PIGB: variants seen among roughly 807,000 people sequenced by gnomAD.
The protein encoded by PIGB is GPI alpha-1,2-mannosyltransferase 3.
In PIGB, 58 loss-of-function variants were observed where a neutral mutation model predicts 68.4. The observed-to-expected ratio is 0.85, with a 90% CI of 0.69 to 1.06. PIGB has a LOEUF of 1.06. PIGB is among the 50% of genes least tolerant of loss of function. The probability of loss-of-function intolerance (pLI) is 0.00; values close to 1 mark genes in which losing one functional copy is unlikely to be tolerated. For missense variants in PIGB, 634 were observed against 655.8 expected (o/e 0.97, Z 0.36); for synonymous variants, 219 against 220.5 (o/e 0.99, Z 0.06).
intron 6 of PIGB, among the ~76,000 whole-genome samples, chr15:55,338,009 AG>A (rs1347613208): frequency 1.3e-5 from 2 of 152,326 alleles, no homozygotes; most frequent in East Asian, 3.9e-4. Flanking sequence ...CTTTGGGAAG[AG>A]GAAGGGTTAC....
At chr15:55,339,130 A>G (rs1228080153) in intron 6 of PIGB, 137 bp from the exon 7 acceptor site, 9 of 651,810 alleles carry the variant, frequency 1.4e-5, no homozygotes, top group Admixed American at 9.7e-5. Flanking sequence ...CAAAATGTGT[A>G]AATCTATATT....
Position 55,320,327 on chromosome 15 carries a change from A to G in PIGB, c.216A>G (p.Ile72Met). ...TCTTGTTTACCATAGCTTTACGAAT[A>G]TTAAACTGCTTTTTAGTGCAGACAA... The part of the protein sequence containing the change: ...YLLLFTIALR[I>M]LNCFLVQTSF... The change falls in exon 2 of 12, where the codon ATA becomes ATG. Residue 72 changes from isoleucine to methionine, a missense_variant. Transcript: ENST00000164305. 2.5e-6 allele frequency: 4 copies of G among 1,613,184 alleles called. No individual in the cohort carries two copies. The highest frequency in any genetic ancestry group is 3.4e-6 in the Non-Finnish European group (4 of 1,179,208).
rs1206836583 is a variant in PIGB, at chr15:55,321,342, C to T, written c.369C>T (p.Ser123=). 3.1e-6 allele frequency: 5 copies of T among 1,606,500 alleles called. No homozygotes were observed. Among genetic ancestry groups the T allele is most frequent in the Non-Finnish European group, 4.3e-6 (5 of 1,175,194 alleles). ...ACACTTATCCCTTAATCTTTGCAAG[C>T]ATTTACAAGATTCTTCATCTTTTAG... ...RSYTYPLIFA[S]IYKILHLLGK... Residue 123 remains serine, a synonymous_variant, in exon 3 of 12, where the codon AGC becomes AGT. Coordinates refer to ENST00000164305, the MANE Select transcript of PIGB (RefSeq NM_004855.5).
At chr15:55,327,849 CA>C (rs2055328383) in intron 4 of PIGB, among the ~76,000 whole-genome samples, 2 of 152,224 alleles carry the variant, frequency 1.3e-5, no homozygotes, top group Admixed American at 6.5e-5. Flanking sequence ...CTGATGCCCT[CA>C]AACCCTATGA....
chr15:55,338,021 CT>C (rs1566953704), intron 6 of PIGB, among the ~76,000 whole-genome samples: 1 of 152,048 alleles, frequency 6.6e-6, no homozygotes. Context: ...GAAGGGTTAC[CT>C]TTGGGTTACT....
At chr15:55,354,117 G>A (rs180938480) in intron 10 of PIGB, among the ~76,000 whole-genome samples, 2 of 151,296 alleles carry the variant, frequency 1.3e-5, no homozygotes, top group Admixed American at 6.6e-5. Flanking sequence ...TTCAGGACCA[G>A]CCTGGCCAAC....
intron 5 of PIGB, among the ~76,000 whole-genome samples, chr15:55,332,456 C>T (rs991174178): frequency 6.6e-6 from 1 of 151,542 alleles, no homozygotes; most frequent in Non-Finnish European, 1.5e-5. Context: ...TTGCAACCTC[C>T]ACTTCCCAGG....
chr15:55,353,064 C>G (rs1204376157), intron 10 of PIGB, among the ~76,000 whole-genome samples: 1 of 152,196 alleles, frequency 6.6e-6, no homozygotes, highest in Non-Finnish European at 1.5e-5. Flanking sequence ...ACTCTCCGTG[C>G]TCACATTAGG....
chr15:55,327,499 T>TTTTTA (rs1199757360), intron 3 of PIGB, 32 bp from the exon 4 acceptor site: 3 of 1,392,136 alleles, frequency 2.2e-6, no homozygotes, highest in Non-Finnish European at 3.0e-6. Flanking sequence ...CAGATATTTT[T>TTTTTA]AACATCCTGT....
chr15:55,346,909 T>C (rs1281003947), intron 9 of PIGB, among the ~76,000 whole-genome samples: 3 of 152,178 alleles, frequency 2.0e-5, no homozygotes, highest in African/African-American at 7.2e-5. Context: ...GGAAAATCTT[T>C]CCAACCCTTC....
intron 4 of PIGB, among the ~76,000 whole-genome samples, chr15:55,328,202 G>A (rs564720611): frequency 2.0e-5 from 3 of 152,288 alleles, no homozygotes; most frequent in South Asian, 2.1e-4. Flanking sequence ...ATCTTTTGTC[G>A]TTTGACTTAT....
chr15:55,331,858 A>G (rs1316989277), intron 5 of PIGB, among the ~76,000 whole-genome samples: 1 of 152,078 alleles, frequency 6.6e-6, no homozygotes, highest in East Asian at 1.9e-4. Context: ...TTTCAAGCTC[A>G]TGTATCAAAA....
rs758535506 is a variant in PIGB, at chr15:55,319,291, G to T, written c.41G>T (p.Gly14Val). ...PLSKCGMEPG[G>V]GDASLTLHGL... ...AGCAAGTGCGGAATGGAGCCGGGGG[G>T]CGGAGATGCCAGCCTCACTTTGCAT... Residue 14 changes from glycine to valine, a missense_variant, in exon 1 of 12, where the codon GGC (glycine) becomes GTC (valine). Gly to Val is a moderately radical substitution (Grantham distance 109). Coordinates refer to ENST00000164305, the MANE Select transcript of PIGB (RefSeq NM_004855.5). The T allele has an allele frequency of 6.2e-7, 1 of 1,606,474 alleles. No homozygotes were observed. Among genetic ancestry groups the T allele is most frequent in the Non-Finnish European group, 8.5e-7 (1 of 1,177,004 alleles).
intron 10 of PIGB, among the ~76,000 whole-genome samples, chr15:55,352,478 A>G (rs11071182): frequency 0.77 from 116,821 of 152,126 alleles, 47,518 homozygotes; most frequent in East Asian, 0.96. Context: ...CAAAGGAGCC[A>G]GATTTCCTAC....
chr15:55,322,185 CA>C (rs200986097), intron 3 of PIGB, among the ~76,000 whole-genome samples: 1 of 151,634 alleles, frequency 6.6e-6, no homozygotes, highest in Non-Finnish European at 1.5e-5. Context: ...CCATCCCCCG[CA>C]AAAAAAGTAT....
intron 3 of PIGB, among the ~76,000 whole-genome samples, chr15:55,322,955 G>A (rs2055200397): frequency 6.6e-6 from 1 of 152,120 alleles, no homozygotes; most frequent in Non-Finnish European, 1.5e-5. Flanking sequence ...CAAATGAAGA[G>A]GTCTTCAAGA....
intron 5 of PIGB, among the ~76,000 whole-genome samples, chr15:55,333,227 G>A (rs191631166): frequency 5.3e-5 from 8 of 152,162 alleles, no homozygotes; most frequent in African/African-American, 1.4e-4. Flanking sequence ...CACTGAAAAC[G>A]GCTTTAGATA....
At position 55,340,738 on chromosome 15, in the gene PIGB, C is replaced by T. The variant is rs755430337; in HGVS notation, c.973C>T (p.Pro325Ser). 1 of 1,611,108 alleles carries T rather than the reference C, an allele frequency of 6.2e-7. No individual in the cohort carries two copies. ...TCCAGTTATCTTGGGTACTCACTTACCCTTCTTTATTCATGGCTGCTATCT... is the reference window on the plus strand; with the variant it reads ...TCCAGTTATCTTGGGTACTCACTTATCCTTCTTTATTCATGGCTGCTATCT... ...GFPVILGTHL[P>S]FFIHGCYLAP... is the part of the protein sequence containing the mutation. The change falls in exon 8 of 12, where the codon CCC becomes TCC. Residue 325 changes from proline (P) to serine (S), a missense_variant. By Grantham distance (74) the Pro-to-Ser change is moderately conservative. Transcript: ENST00000164305.
At chr15:55,327,900 A>C (rs1164008146) in intron 4 of PIGB, among the ~76,000 whole-genome samples, 1 of 152,094 alleles carries the variant, frequency 6.6e-6, no homozygotes, top group Non-Finnish European at 1.5e-5. Context: ...AAGCCCCTTC[A>C]CTCCTCAAAA....
Sources: gnomAD v4.1 joint callset for allele counts (sites outside exome capture counted in the v4.1 genomes callset) on GRCh38, gnomAD v4.1.1 for gene constraint, MANE v1.5 for transcripts, NCBI Gene and HGNC (gene_info 2026-07-23, HGNC 2026-07-21) for gene names.